The following YWHAB variants were observed in gnomAD, a reference collection of about 807,000 sequenced individuals.
YWHAB encodes tyrosine 3-monooxygenase/tryptophan 5-monooxygenase activation protein beta, also known as 14-3-3 protein beta/alpha.
In YWHAB, 2 loss-of-function variants were observed where a neutral mutation model predicts 28.5. The observed-to-expected ratio is 0.07, with a 90% confidence interval of 0.03 to 0.22. The LOEUF (loss-of-function observed/expected upper bound fraction) is 0.22, where lower values mean the gene tolerates loss of function less well. Among genes scored for constraint, YWHAB ranks in the 10% least tolerant of loss-of-function variants. The pLI is 1.00. For synonymous variants in YWHAB, 103 were observed against 104.7 expected, an observed-to-expected ratio of 0.98 and a Z score of 0.10; for missense variants, 148 against 297.1, an observed-to-expected ratio of 0.50 and a Z score of 3.69.
chr20:44,903,935 A>T, intron 2 of YWHAB, 58 bp from the exon 3 acceptor site: 2 of 1,560,782 alleles, frequency 1.3e-6, no homozygotes, highest in African/African-American at 2.8e-5. Flanking sequence ...TTGAATCTCA[A>T]ACATAGTTTT....
chr20:44,889,477 T>A lies in YWHAB; in HGVS notation c.-4+3591T>A, dbSNP rs113800709. Among the ~76,000 whole-genome samples, 1,410 of 151,842 alleles carry A rather than the reference T, an allele frequency of 9.3e-3. 6 individuals are homozygous for A. The highest frequency in any genetic ancestry group is 0.016 in the Non-Finnish European group (1,066 of 67,908). ...GGTTAGTTAACTTTTTTTTTTTTTT[T>A]AAATTCTGGCCAGTTCTTTATTATG... On this transcript the variant is annotated intron_variant, in intron 1 of 5. Coordinates refer to ENST00000353703, the MANE Select transcript of YWHAB (RefSeq NM_139323.4).
chr20:44,900,249 T>C (rs2066618845), intron 1 of YWHAB, among the ~76,000 whole-genome samples: 1 of 152,176 alleles, frequency 6.6e-6, no homozygotes, highest in African/African-American at 2.4e-5. Flanking sequence ...AGTCTTACTA[T>C]GTTAGAGACT....
chr20:44,902,600 C>G (rs2066633937), intron 2 of YWHAB: 1 of 152,202 alleles, frequency 6.6e-6, no homozygotes, highest in African/African-American at 2.4e-5. Context: ...GGCTGCCTTT[C>G]TAAATTACTG....
rs768214899 is a variant in YWHAB, at chr20:44,906,392, C to T, written c.695C>T (p.Ser232Leu). 11 of 1,610,570 alleles carry T rather than the reference C, an allele frequency of 6.8e-6. No homozygotes were observed. Among genetic ancestry groups the T allele is most frequent in the East Asian group, 2.2e-5 (1 of 44,768 alleles). Residue 232 changes from serine (S) to leucine (L), a missense_variant, in exon 6 of 6, where the codon TCG becomes TTG. Physicochemically the swap from Ser to Leu is moderately radical, Grantham distance 145. Coordinates refer to ENST00000353703, the MANE Select transcript of YWHAB (RefSeq NM_139323.4). The part of the protein sequence containing the change: ...LLRDNLTLWT[S>L]ENQGDEGDAG... ...TCCTTTCTCTTGCAGCTGTGGACAT[C>T]GGAAAACCAGGGAGACGAAGGAGAC... is the stretch of plus-strand genomic sequence containing the variant.
intron 1 of YWHAB, 41 bp downstream of exon 1, chr20:44,885,927 C>G (rs2066523514): frequency 1.3e-5 from 2 of 152,664 alleles, no homozygotes; most frequent in Non-Finnish European, 2.9e-5. Flanking sequence ...CCCGGGGGCC[C>G]AAACTCGAAG....
chr20:44,903,187 G>T, intron 2 of YWHAB: 5 of 748,524 alleles, frequency 6.7e-6, no homozygotes, highest in Non-Finnish European at 8.2e-6. Flanking sequence ...TGCTTACTAC[G>T]TGCCAGGCAA....
Position 44,901,557 on chromosome 20 carries a change from G to A in YWHAB, c.24G>A (p.Leu8=). The A allele has an allele frequency of 6.2e-7, 1 of 1,605,122 alleles. No individual in the cohort carries two copies. The highest frequency in any genetic ancestry group is 2.2e-5 in the East Asian group (1 of 44,628). ...GAATGACAATGGATAAAAGTGAGCT[G>A]GTACAGAAAGCCAAACTCGCTGAGC... MTMDKSE[L]VQKAKLAEQA... is the part of the protein sequence containing the mutation. Residue 8 remains leucine (L), a synonymous_variant, in exon 2 of 6, where the codon CTG becomes CTA. Coordinates refer to ENST00000353703, the MANE Select transcript of YWHAB (RefSeq NM_139323.4).
At chr20:44,905,299 C>T (rs2066649667) in intron 4 of YWHAB, 168 bp downstream of exon 4, 2 of 569,140 alleles carry the variant, frequency 3.5e-6, no homozygotes, top group Non-Finnish European at 5.6e-6. Flanking sequence ...TTTTTTAATT[C>T]ATTCTCAATA....
intron 2 of YWHAB, 185 bp from the exon 3 acceptor site, chr20:44,903,808 A>C: frequency 1.8e-6 from 1 of 567,698 alleles, no homozygotes; most frequent in Non-Finnish European, 2.9e-6. Flanking sequence ...GATTTTTAAC[A>C]GAAGAATACA....
chr20:44,896,279 A>G (rs2145530499), intron 1 of YWHAB, among the ~76,000 whole-genome samples: 1 of 152,348 alleles, frequency 6.6e-6, no homozygotes, highest in East Asian at 1.9e-4. Context: ...CACTAGCCAC[A>G]TTTTAAGTGA....
At chr20:44,892,450 A>G (rs557887036) in intron 1 of YWHAB, among the ~76,000 whole-genome samples, 4 of 152,094 alleles carry the variant, frequency 2.6e-5, no homozygotes, top group Non-Finnish European at 4.4e-5. Context: ...TGTAATAGAT[A>G]TACATGTGCT....
chr20:44,903,948 C>T (rs546644109), intron 2 of YWHAB, 45 bp from the exon 3 acceptor site: 6 of 1,572,608 alleles, frequency 3.8e-6, no homozygotes, highest in South Asian at 2.4e-5. Flanking sequence ...ATAGTTTTAA[C>T]ATCTCGTGAA....
At chr20:44,896,674 ATGAG>A (rs1216735461) in intron 1 of YWHAB, among the ~76,000 whole-genome samples, 5 of 152,254 alleles carry the variant, frequency 3.3e-5, no homozygotes, top group Non-Finnish European at 7.3e-5. Context: ...GCTGTAGATA[ATGAG>A]TGACTGAAAG....
chr20:44,891,643 A>G (rs1264917296), intron 1 of YWHAB, among the ~76,000 whole-genome samples: 1 of 132,630 alleles, frequency 7.5e-6, no homozygotes, highest in Non-Finnish European at 1.6e-5. Context: ...ATCTACCATT[A>G]AGTCACATGT....
At chr20:44,895,303 A>AGGTACATGTTGGAGAACAGTGGATG (rs2066589444) in intron 1 of YWHAB, among the ~76,000 whole-genome samples, 1 of 152,202 alleles carries the variant, frequency 6.6e-6, no homozygotes, top group Admixed American at 6.5e-5. Flanking sequence ...CCTGAGAGAA[A>AGGTACATGTTGGAGAACAGTGGATG]GGTACATGTT....
rs184263586 is a variant in YWHAB at position 44,907,273 on chromosome 20, A to C, written c.*835A>C. 5 of 152,578 alleles carry C rather than the reference A, an allele frequency of 3.3e-5. No homozygotes were observed. Among genetic ancestry groups the C allele is most frequent in the Middle Eastern group, 3.4e-3 (1 of 294 alleles). 9.5% of individuals were successfully genotyped at this position (152,578 alleles called of 1,614,324 possible). A position where few individuals can be genotyped will look rare whatever the true frequency, so the allele number is the denominator to read the frequency against. On this transcript the variant is annotated 3_prime_UTR_variant, in exon 6 of 6. Coordinates refer to ENST00000353703, the MANE Select transcript of YWHAB (RefSeq NM_139323.4). ...AATGACCTTATCTGTTTCCTGGATA[A>C]TACCTTTAAGAATAATGTCCTGAGT...
At chr20:44,890,673 G>A (rs1307687263) in intron 1 of YWHAB, among the ~76,000 whole-genome samples, 1 of 151,982 alleles carries the variant, frequency 6.6e-6, no homozygotes, top group African/African-American at 2.4e-5. Context: ...ACTGCGCCCA[G>A]CTAATTTTTG....
rs2066673579 is a variant in YWHAB at position 44,908,458 on chromosome 20, C to G, written c.*2020C>G. 6.6e-6 allele frequency: 1 copy of G among 152,586 alleles called. No homozygotes were observed. The highest frequency in any genetic ancestry group is 1.5e-5 in the Non-Finnish European group (1 of 68,042). 9.5% of individuals were successfully genotyped at this position (152,586 alleles called of 1,614,324 possible). On this transcript the variant is annotated 3_prime_UTR_variant, in exon 6 of 6. Coordinates refer to ENST00000353703, the MANE Select transcript of YWHAB (RefSeq NM_139323.4). ...GTCTTTTAAACAGTTCTAGTTTCAC[C>G]TTACACAGAATAATCAGGAAAAGTG...
At chr20:44,896,242 T>A (rs1247015877) in intron 1 of YWHAB, among the ~76,000 whole-genome samples, 1 of 152,274 alleles carries the variant, frequency 6.6e-6, no homozygotes, top group African/African-American at 2.4e-5. Context: ...TAACCCATTA[T>A]GAACAAAATA....
Sources: gnomAD v4.1 joint callset for allele counts (sites outside exome capture counted in the v4.1 genomes callset) on GRCh38, gnomAD v4.1.1 for gene constraint, MANE v1.5 for transcripts, NCBI Gene and HGNC (gene_info 2026-07-23, HGNC 2026-07-21) for gene names.